Variants in PGC observed in about 807,000 individuals in gnomAD.
PGC encodes gastricsin.
A neutral mutation model predicts 45.9 loss-of-function variants in PGC; 31 were observed. The observed-to-expected ratio is 0.67, with a 90% confidence interval of 0.51 to 0.91. The LOEUF is 0.91. Among genes scored for constraint, PGC ranks in the 40% least tolerant of loss-of-function variants. The pLI is 0.00. For missense variants in PGC, 477 were observed against 493.2 expected, an observed-to-expected ratio of 0.97 and a Z score of 0.31; for synonymous variants, 192 against 201.8, an observed-to-expected ratio of 0.95 and a Z score of 0.41.
At position 41,744,591 on chromosome 6, in the gene PGC, G is replaced by A; in HGVS notation, c.210+67C>T. 1.9e-6 allele frequency: 3 copies of A among 1,593,588 alleles called. No individual in the cohort carries two copies. The highest frequency in any genetic ancestry group is 2.2e-5 in the South Asian group (2 of 89,922). ...GCTCCTCCATGGGCAGAGGAGTGAA[G>A]GGACCTGCCCCTTCCCTCCAGCCCA... is the stretch of plus-strand genomic sequence containing the variant. On this transcript the variant is annotated intron_variant, in intron 2 of 8. Coordinates refer to ENST00000373025, the MANE Select transcript of PGC (RefSeq NM_002630.4). The surrounding 1 kb of genome is among the most constrained non-coding windows in gnomAD (Gnocchi z 4.4).
At position 41,738,354 on chromosome 6, in the gene PGC, A is replaced by C. The variant is rs965444243; in HGVS notation, c.916-526T>G. 4.6e-5 allele frequency among the ~76,000 whole-genome samples: 7 copies of C among 151,210 alleles called. No homozygotes were observed. The East Asian group carries it at 1.2e-3, about 25-fold the overall frequency. ...TTAAAACACGCAGATCTGGCCGGGC[A>C]TGGTGGCTCGTGCCTGTAATCCCAA... On this transcript the variant is annotated intron_variant, in intron 7 of 8. Transcript: ENST00000373025.
At position 41,744,728 on chromosome 6, in the gene PGC, T is replaced by C. The variant is rs1199266645; in HGVS notation, c.140A>G (p.Lys47Arg). 1.9e-6 allele frequency: 3 copies of C among 1,614,018 alleles called. No individual in the cohort carries two copies. Among genetic ancestry groups the C allele is most frequent in the African/African-American group, 1.3e-5 (1 of 74,926 alleles). The change falls in exon 2 of 9, where the codon AAG (lysine) becomes AGG (arginine). Residue 47 changes from lysine to arginine, a missense_variant. Lys to Arg is a conservative substitution (Grantham distance 26, BLOSUM62 2). Coordinates refer to ENST00000373025, the MANE Select transcript of PGC (RefSeq NM_002630.4). The surrounding 1 kb of genome is among the most constrained non-coding windows in gnomAD (Gnocchi z 4.4). ...GLLGEFLRTH[K>R]YDPAWKYRFG... is the part of the protein sequence containing the mutation. ...GCGGTACTTCCAAGCAGGATCATAC[T>C]TGTGGGTCCTCAGGAACTCCCCCAG... is the stretch of plus-strand genomic sequence containing the variant.
In PGC at chr6:41,738,145, CAT is replaced by C. The variant is rs1157085955; in HGVS notation, c.916-319_916-318del. ...ATACATATATATGCATATATATATG[CAT>C]ATATATATACATATATATGCATATA... On this transcript the variant is annotated intron_variant, in intron 7 of 8. Transcript: ENST00000373025. Among the ~76,000 whole-genome samples, 24 of 40,016 alleles carry C rather than the reference CAT, an allele frequency of 6.0e-4. 1 individual carries two copies. The highest frequency in any genetic ancestry group is 7.4e-4 in the Non-Finnish European group (14 of 18,848). The allele number at this position is 40,016 out of a possible 152,430, so 26.3% of individuals were successfully genotyped here.
chr6:41,741,011 C>T, intron 5 of PGC: 1 of 1,535,766 alleles, frequency 6.5e-7, no homozygotes, highest in East Asian at 2.4e-5. Flanking sequence ...TGGGGGGTCC[C>T]CTAGTGGTTG....
chr6:41,739,814 C>T lies in PGC; in HGVS notation c.900G>A (p.Glu300=). The change falls in exon 7 of 9, where the codon GAG becomes GAA. Residue 300 remains glutamate (E), a synonymous_variant. Transcript: ENST00000373025. The stretch of plus-strand genomic sequence containing the variant: ...CCAGTCACACCTGTCCATACTCATC[C>T]TCCTGGGCCCCTGTGGCCTGCAGAA... ...SALLQATGAQ[E]DEYGQFLVNC... The T allele has an allele frequency of 6.2e-7, 1 of 1,613,760 alleles. No individual in the cohort carries two copies. The highest frequency in any genetic ancestry group is 8.5e-7 in the Non-Finnish European group (1 of 1,179,810).
At chr6:41,742,654 C>T (rs989506480) in intron 4 of PGC, among the ~76,000 whole-genome samples, 165 bp from the exon 5 acceptor site, 1 of 152,158 alleles carries the variant, frequency 6.6e-6, no homozygotes, top group African/African-American at 2.4e-5. Context: ...GAGACAGAGT[C>T]TCGCCCTGTC....
intron 1 of PGC, among the ~76,000 whole-genome samples, chr6:41,745,397 C>G (rs954750229): frequency 6.6e-6 from 1 of 152,044 alleles, no homozygotes; most frequent in African/African-American, 2.4e-5. Context: ...TGTCACCATG[C>G]CTGGCTAATT....
In PGC at chr6:41,744,552, T is replaced by C; in HGVS notation, c.211-38A>G. 6.3e-7 allele frequency: 1 copy of C among 1,590,306 alleles called. No individual in the cohort carries two copies. Among genetic ancestry groups the C allele is most frequent in the Non-Finnish European group, 8.6e-7 (1 of 1,161,770 alleles). On this transcript the variant is annotated intron_variant, in intron 2 of 8. Coordinates refer to ENST00000373025, the MANE Select transcript of PGC (RefSeq NM_002630.4). The surrounding 1 kb of genome is among the most constrained non-coding windows in gnomAD (Gnocchi z 4.4). Reference sequence around the variant, plus strand: ...GAGCAAGCTGTTAGTTCCAGAGGGATCCAGGGGCCCCAGGCTCCTCCATGG... The same window carrying C: ...GAGCAAGCTGTTAGTTCCAGAGGGACCCAGGGGCCCCAGGCTCCTCCATGG...
chr6:41,742,113 G>T (rs143129967), intron 5 of PGC, among the ~76,000 whole-genome samples, 177 bp downstream of exon 5: 2 of 152,306 alleles, frequency 1.3e-5, no homozygotes, highest in Non-Finnish European at 2.9e-5. Flanking sequence ...GTGGTCGGGT[G>T]GCTGGGAGAG....
At chr6:41,737,453 C>T (rs893549504) in intron 8 of PGC, among the ~76,000 whole-genome samples, 23 of 152,174 alleles carry the variant, frequency 1.5e-4, no homozygotes, top group African/African-American at 4.8e-4. Context: ...GATCATGAAG[C>T]AAAGTGCTTT....
chr6:41,738,179 CATATATATATGCAT>C lies in PGC; in HGVS notation c.916-365_916-352del, dbSNP rs1231581978. On this transcript the variant is annotated intron_variant, in intron 7 of 8. Transcript: ENST00000373025. ...ATACATATATATGCATATATATATA[CATATATATATGCAT>C]ATATATATGCATATATATATGCATA... 1.9e-4 allele frequency among the ~76,000 whole-genome samples: 4 copies of C among 21,308 alleles called. 1 individual carries two copies. The highest frequency in any genetic ancestry group is 3.8e-4 in the African/African-American group (4 of 10,546). 14.0% of individuals were successfully genotyped at this position (21,308 alleles called of 152,430 possible).
chr6:41,744,820 T>G lies in PGC; in HGVS notation c.60-12A>C. 3.7e-6 allele frequency: 6 copies of G among 1,612,568 alleles called. No homozygotes were observed. Among genetic ancestry groups the G allele is most frequent in the Non-Finnish European group, 5.1e-6 (6 of 1,179,188 alleles). ...TCTTCAGGGGCACTCTACAGAAAGG[T>G]TGCATATGAGGCAAGGCCCTCCCTC... On this transcript the variant is annotated splice_polypyrimidine_tract_variant and intron_variant, in intron 1 of 8. Transcript: ENST00000373025. The surrounding 1 kb of genome is among the most constrained non-coding windows in gnomAD (Gnocchi z 4.4).
At chr6:41,742,535 C>T (rs761157415) in intron 4 of PGC, 46 bp from the exon 5 acceptor site, 1 of 1,450,764 alleles carries the variant, frequency 6.9e-7, no homozygotes, top group South Asian at 1.1e-5. Context: ...TGACTCCACT[C>T]ACCTCCTCCA....
At position 41,741,397 on chromosome 6, in the gene PGC, A is replaced by G. The variant is rs1285128686; in HGVS notation, c.648-787T>C. Reference sequence around the variant, plus strand: ...GCAGTGGCTCACACCTGTAATCCCAACACTTTGGAAGGCCGAGGCGGGTGG... The same window carrying G: ...GCAGTGGCTCACACCTGTAATCCCAGCACTTTGGAAGGCCGAGGCGGGTGG... On this transcript the variant is annotated intron_variant, in intron 5 of 8. Transcript: ENST00000373025. Among the ~76,000 whole-genome samples, 4 of 152,132 alleles carry G rather than the reference A, an allele frequency of 2.6e-5. No homozygotes were observed. The East Asian group carries it at 5.8e-4, about 22-fold the overall frequency.
At chr6:41,742,251 G>A (rs1771840894) in intron 5 of PGC, 39 bp downstream of exon 5, 13 of 1,584,580 alleles carry the variant, frequency 8.2e-6, no homozygotes, top group Non-Finnish European at 9.5e-6. Context: ...GGCCGGGGGA[G>A]CATCCCGGGA....
chr6:41,747,328 A>G lies in PGC; in HGVS notation c.7T>C (p.Trp3Arg). Residue 3 changes from tryptophan to arginine, a missense_variant, in exon 1 of 9, where the codon TGG becomes CGG. Trp to Arg is a moderately radical substitution (Grantham distance 101). Coordinates refer to ENST00000373025, the MANE Select transcript of PGC (RefSeq NM_002630.4). The stretch of plus-strand genomic sequence containing the variant: ...AGGCAGACCAAGACCACCACCATCC[A>G]CTTCATGATGCTGGTCCCCAACTGG... The part of the protein sequence containing the change: MK[W>R]MVVVLVCLQL... The G allele has an allele frequency of 1.2e-6, 2 of 1,613,610 alleles. No homozygotes were observed. Among genetic ancestry groups the G allele is most frequent in the Non-Finnish European group, 1.7e-6 (2 of 1,179,650 alleles).
intron 7 of PGC, among the ~76,000 whole-genome samples, chr6:41,738,928 C>T (rs576175944): frequency 2.6e-5 from 4 of 151,994 alleles, no homozygotes; most frequent in African/African-American, 4.8e-5. Flanking sequence ...CCATTGCACT[C>T]CAGCCTGGGC....
At chr6:41,743,190 C>T (rs1220947846) in intron 4 of PGC, 81 bp downstream of exon 4, 5 of 855,792 alleles carry the variant, frequency 5.8e-6, no homozygotes, top group East Asian at 2.4e-5. Flanking sequence ...AGCATTCCAC[C>T]GTGTTTCAGG....
rs778247080 is a variant in PGC at position 41,736,910 on chromosome 6, G to A, written c.1109C>T (p.Ser370Phe). 2.5e-6 allele frequency: 4 copies of A among 1,614,142 alleles called. No homozygotes were observed. Among genetic ancestry groups the A allele is most frequent in the Admixed American group, 1.7e-5 (1 of 60,018 alleles). ...LWILGDVFLR[S>F]YYSVYDLGNN... ...GCCCAAGTCGTAGACGGAATAGTAG[G>A]ACCTGAGGAAGACATCCCCGAGGAT... Residue 370 changes from serine (S) to phenylalanine (F), a missense_variant, in exon 9 of 9, where the codon TCC becomes TTC. Coordinates refer to ENST00000373025, the MANE Select transcript of PGC (RefSeq NM_002630.4).
Sources: allele counts gnomAD v4.1 joint callset (sites outside exome capture counted in the v4.1 genomes callset), GRCh38; gene constraint gnomAD v4.1.1; non-coding constraint Gnocchi (gnomAD v3.1); transcripts MANE v1.5; gene names NCBI Gene and HGNC (gene_info 2026-07-23, HGNC 2026-07-21).